The following RNF220 variants were observed in gnomAD, a reference collection of about 807,000 sequenced individuals.
RNF220 encodes ring finger protein 220, also known as E3 ubiquitin-protein ligase RNF220.
In RNF220, 7 loss-of-function variants were observed where a neutral mutation model predicts 67.1. The observed-to-expected ratio is 0.10, with a 90% CI of 0.06 to 0.20. The LOEUF (loss-of-function observed/expected upper bound fraction) is 0.20. Among genes scored for constraint, RNF220 ranks in the 10% least tolerant of loss-of-function variants. The pLI, the probability that RNF220 is intolerant of heterozygous loss-of-function variation, is 1.00. For synonymous variants in RNF220, 270 were observed against 283.2 expected (o/e 0.95, Z 0.47); for missense variants, 565 against 740.3 (o/e 0.76, Z 2.75).
intron 2 of RNF220, among the ~76,000 whole-genome samples, chr1:44,436,556 G>A (rs1437527990): frequency 6.6e-6 from 1 of 152,152 alleles, no homozygotes; most frequent in African/African-American, 2.4e-5. Flanking sequence ...CTTGAACCAT[G>A]TGGTTTCTGA....
intron 3 of RNF220, among the ~76,000 whole-genome samples, chr1:44,620,985 G>A (rs745471572): frequency 6.1e-5 from 9 of 148,278 alleles, no homozygotes; most frequent in Non-Finnish European, 1.0e-4. Flanking sequence ...GCGCAATCTC[G>A]GCTCACTCCA....
intron 2 of RNF220, among the ~76,000 whole-genome samples, chr1:44,529,789 T>C (rs917218996): frequency 4.6e-5 from 7 of 152,020 alleles, no homozygotes; most frequent in Non-Finnish European, 1.0e-4. Context: ...CTGGTAATAG[T>C]GCTATAATCC....
chr1:44,627,340 G>A (rs1332194066), intron 5 of RNF220, among the ~76,000 whole-genome samples: 4 of 81,158 alleles, frequency 4.9e-5, no homozygotes, highest in Admixed American at 2.0e-4. Flanking sequence ...GCAAGACTCC[G>A]TCTCAAAAAA....
intron 2 of RNF220, among the ~76,000 whole-genome samples, chr1:44,496,526 G>A (rs2148068787): frequency 6.6e-6 from 1 of 152,312 alleles, no homozygotes; most frequent in East Asian, 1.9e-4. Context: ...ATGAACCACT[G>A]CTCCCTCTCA....
intron 8 of RNF220, chr1:44,643,200 G>A (rs1644537017): frequency 6.6e-6 from 1 of 152,330 alleles, no homozygotes; most frequent in Admixed American, 6.5e-5. Context: ...TTTGGGATTG[G>A]TGGTGTCTTT....
chr1:44,551,343 G>C (rs796740326), intron 2 of RNF220, among the ~76,000 whole-genome samples: 11 of 152,022 alleles, frequency 7.2e-5, no homozygotes, highest in African/African-American at 2.4e-4. Context: ...TCGAACTCCC[G>C]ACCTCATGTG....
chr1:44,506,094 G>A lies in RNF220; in HGVS notation c.625+93372G>A, dbSNP rs559910437. 5.3e-5 allele frequency among the ~76,000 whole-genome samples: 8 copies of A among 152,346 alleles called. No individual in the cohort carries two copies. The South Asian group carries it at 1.7e-3, about 32-fold the overall frequency. On this transcript the variant is annotated intron_variant, in intron 2 of 14. Transcript: ENST00000361799. ...ACAAAAAGATAAACACATAAAAGAT[G>A]CCTTCTTTTCATGGACCCGGTGCCC... is the stretch of plus-strand genomic sequence containing the variant.
At chr1:44,446,382 G>A (rs1652085651) in intron 2 of RNF220, among the ~76,000 whole-genome samples, 1 of 152,200 alleles carries the variant, frequency 6.6e-6, no homozygotes, top group Non-Finnish European at 1.5e-5. Flanking sequence ...GCAGTGAACT[G>A]TAATTTGTGT....
At position 44,405,400 on chromosome 1, in the gene RNF220, TGCCGCC is replaced by T. The variant is rs1024684613; in HGVS notation, c.-233_-228del. 2 of 626,232 alleles carry T rather than the reference TGCCGCC, an allele frequency of 3.2e-6. No individual in the cohort carries two copies. Among genetic ancestry groups the T allele is most frequent in the East Asian group, 3.3e-5 (1 of 30,764 alleles). 38.8% of individuals were successfully genotyped at this position (626,232 alleles called of 1,614,324 possible). ...CTACTGCTGCTGCTGCTGCTGCCGC[TGCCGCC>T]GCCGCCGCCGCCGCTGCCTCCGCCG... On this transcript the variant is annotated 5_prime_UTR_variant, in exon 1 of 15. Transcript: ENST00000361799.
intron 2 of RNF220, among the ~76,000 whole-genome samples, chr1:44,523,027 G>C (rs1660062855): frequency 6.6e-6 from 1 of 152,256 alleles, no homozygotes; most frequent in Non-Finnish European, 1.5e-5. Flanking sequence ...GAAGGCGAGA[G>C]ATGGGGAAGA....
chr1:44,630,656 C>T (rs960021760), intron 5 of RNF220, among the ~76,000 whole-genome samples: 13 of 152,228 alleles, frequency 8.5e-5, no homozygotes, highest in Non-Finnish European at 1.9e-4. Context: ...CAAACCCAGG[C>T]TTGGGGGACA....
intron 2 of RNF220, among the ~76,000 whole-genome samples, chr1:44,413,724 G>A (rs1648234240): frequency 6.6e-6 from 1 of 152,138 alleles, no homozygotes; most frequent in Non-Finnish European, 1.5e-5. Context: ...AACTACATCT[G>A]AGGTTTGCCT....
At position 44,422,432 on chromosome 1, in the gene RNF220, C is replaced by G. The variant is rs372920818; in HGVS notation, c.625+9710C>G. ...GGCTTCATTCAGACTGAGCAGCAGTCAAGGCTGATTTACGGGGAAAAGAAC... is the reference window on the plus strand; with the variant it reads ...GGCTTCATTCAGACTGAGCAGCAGTGAAGGCTGATTTACGGGGAAAAGAAC... On this transcript the variant is annotated intron_variant, in intron 2 of 14. Coordinates refer to ENST00000361799, the MANE Select transcript of RNF220 (RefSeq NM_018150.4). Among the ~76,000 whole-genome samples, 78 of 152,336 alleles carry G rather than the reference C, an allele frequency of 5.1e-4. 1 individual carries two copies. The highest frequency in any genetic ancestry group is 1.8e-3 in the African/African-American group (74 of 41,576).
Position 44,412,421 on chromosome 1 carries a change from A to G in RNF220, c.324A>G (p.Pro108=), listed in dbSNP as rs1370692376. ...CTCCCCCAAATCTAGATTGCACCCC[A>G]ATCAGTATGCTGAATCATAGTGGTG... The part of the protein sequence containing the change: ...QFAPPNLDCT[P]ISMLNHSGVG... Residue 108 remains proline (P), a synonymous_variant, in exon 2 of 15, where the codon CCA becomes CCG. Coordinates refer to ENST00000361799, the MANE Select transcript of RNF220 (RefSeq NM_018150.4). This position sits in a 1 kb window ranked among gnomAD's most constrained non-coding sequence, Gnocchi z 5.3. 6.2e-7 allele frequency: 1 copy of G among 1,613,000 alleles called. No homozygotes were observed. Among genetic ancestry groups the G allele is most frequent in the Non-Finnish European group, 8.5e-7 (1 of 1,179,262 alleles).
At chr1:44,514,354 C>T (rs978027496) in intron 2 of RNF220, among the ~76,000 whole-genome samples, 2 of 152,224 alleles carry the variant, frequency 1.3e-5, no homozygotes, top group Non-Finnish European at 2.9e-5. Flanking sequence ...TTTCGTCTAA[C>T]TAGACAATAC....
chr1:44,412,964 C>T lies in RNF220; in HGVS notation c.625+242C>T. Among the ~76,000 whole-genome samples, 1 of 152,134 alleles carries T rather than the reference C, an allele frequency of 6.6e-6. No individual in the cohort carries two copies. Among genetic ancestry groups the T allele is most frequent in the South Asian group, 2.1e-4 (1 of 4,822 alleles). ...CCCAGCACAGCCTTTCTCTCCGGAC[C>T]CTAGTGGGCTTATTCTCTGAGGACT... On this transcript the variant is annotated intron_variant, in intron 2 of 14. Transcript: ENST00000361799. This position sits in a 1 kb window ranked among gnomAD's most constrained non-coding sequence, Gnocchi z 5.3.
At chr1:44,448,708 T>G (rs544514091) in intron 2 of RNF220, among the ~76,000 whole-genome samples, 2 of 152,332 alleles carry the variant, frequency 1.3e-5, no homozygotes, top group African/African-American at 4.8e-5. Flanking sequence ...ACAAAGAAAT[T>G]TAGTGTCTCG....
chr1:44,605,312 A>AAAGT (rs1553120201), intron 2 of RNF220, among the ~76,000 whole-genome samples: 4 of 44,166 alleles, frequency 9.1e-5, no homozygotes. Context: ...AAAAAAAAAA[A>AAAGT]GAAAAGAAAA....
chr1:44,625,628 G>T (rs996969347), intron 4 of RNF220, among the ~76,000 whole-genome samples: 3 of 152,128 alleles, frequency 2.0e-5, no homozygotes, highest in African/African-American at 7.2e-5. Flanking sequence ...AGCTGAACAG[G>T]CCTTGGCAAG....
Sources: gnomAD v4.1 joint callset for allele counts (sites outside exome capture counted in the v4.1 genomes callset) on GRCh38, gnomAD v4.1.1 for gene constraint, Gnocchi (gnomAD v3.1) non-coding constraint, MANE v1.5 for transcripts, NCBI Gene and HGNC (gene_info 2026-07-23, HGNC 2026-07-21) for gene names.